SDK1: variants seen among roughly 807,000 people sequenced by gnomAD.
SDK1 encodes protein sidekick-1.
A neutral mutation model predicts 245.5 loss-of-function variants in SDK1; 157 were observed. The observed-to-expected ratio is 0.64, with a 90% CI of 0.56 to 0.73. The LOEUF is 0.73. SDK1 is among the 30% of genes least tolerant of loss of function. SDK1 has a pLI of 0.00. For missense variants in SDK1, 3,583 were observed against 3,002.3 expected (o/e 1.19, Z -4.52); for synonymous variants, 1,647 against 1,278.5 (o/e 1.29, Z -6.15).
At chr7:3,827,785 C>T (rs1244790351) in intron 5 of SDK1, among the ~76,000 whole-genome samples, 1 of 152,104 alleles carries the variant, frequency 6.6e-6, no homozygotes, top group Non-Finnish European at 1.5e-5. Flanking sequence ...TGGGGACAAC[C>T]ATGGCCAGGC....
chr7:3,320,626 A>G (rs1275790314), intron 1 of SDK1, among the ~76,000 whole-genome samples: 4 of 152,150 alleles, frequency 2.6e-5, no homozygotes, highest in Non-Finnish European at 5.9e-5. Flanking sequence ...GATTTTAGCC[A>G]AAGATCTTGT....
At chr7:3,350,688 C>G (rs1205019631) in intron 1 of SDK1, among the ~76,000 whole-genome samples, 2 of 152,136 alleles carry the variant, frequency 1.3e-5, no homozygotes, top group Admixed American at 1.3e-4. Context: ...AAAACCTTTT[C>G]CTGGTGATGT....
chr7:4,086,546 T>G lies in SDK1; in HGVS notation c.3324+6962T>G, dbSNP rs2128181773. ...AGCTCCTGGAGGTCACCACGGTCTG[T>G]GGCTCGGGATCCCCTTCCTTCATCT... On this transcript the variant is annotated intron_variant, in intron 22 of 44. Transcript: ENST00000404826. Among the ~76,000 whole-genome samples the G allele has an allele frequency of 2.0e-5, 3 of 152,274 alleles. No individual in the cohort carries two copies. In the East Asian group the frequency reaches 5.8e-4, roughly 29 times the overall value.
intron 5 of SDK1, among the ~76,000 whole-genome samples, chr7:3,894,232 T>G (rs1781538406): frequency 6.6e-6 from 1 of 152,244 alleles, no homozygotes; most frequent in South Asian, 2.1e-4. Flanking sequence ...TCACAAAATT[T>G]AATTTACTTC....
chr7:3,616,337 G>A (rs1264308333), intron 1 of SDK1, among the ~76,000 whole-genome samples: 2 of 152,210 alleles, frequency 1.3e-5, no homozygotes, highest in Admixed American at 6.5e-5. Flanking sequence ...ACGCAACGAT[G>A]AGGTGGGAAC....
At chr7:3,474,024 G>A (rs1312627475) in intron 1 of SDK1, among the ~76,000 whole-genome samples, 2 of 147,552 alleles carry the variant, frequency 1.4e-5, no homozygotes, top group Middle Eastern at 3.4e-3. Context: ...AATGAGGGTA[G>A]CTGCCTGCCA....
rs1274841299 is a variant in SDK1, at chr7:3,591,303, G to A, written c.299-27777G>A. ...GGACCTAAGTTTTTGAAACCTCCCA[G>A]TAGCCCCTTTTTAAACTGCTCTGAG... On this transcript the variant is annotated intron_variant, in intron 1 of 44. Coordinates refer to ENST00000404826, the MANE Select transcript of SDK1 (RefSeq NM_152744.4). 2.6e-5 allele frequency among the ~76,000 whole-genome samples: 4 copies of A among 152,270 alleles called. No homozygotes were observed. The South Asian group carries it at 6.2e-4, about 24-fold the overall frequency.
chr7:3,897,662 C>A (rs527369162), intron 5 of SDK1, among the ~76,000 whole-genome samples: 1 of 152,222 alleles, frequency 6.6e-6, no homozygotes, highest in South Asian at 2.1e-4. Context: ...TTGCCACGTT[C>A]TTCTTAATGT....
Position 3,301,277 on chromosome 7 carries a change from G to GGGCGGCGGCGGGGGC in SDK1, c.-299_-298insGGGCGGCGGCGGCGG, listed in dbSNP as rs1562398515. Reference sequence around the variant, plus strand: ...GCACTTTCTTCTCAGCGCCGGGCGGGGGCGGCGGCGGCGGCGGCTCCTCCG... The same window carrying GGGCGGCGGCGGGGGC: ...GCACTTTCTTCTCAGCGCCGGGCGGGGGCGGCGGCGGGGGCGGCGGCGGCGGCGGCGGCTCCTCCG... On this transcript the variant is annotated 5_prime_UTR_variant, in exon 1 of 45. Coordinates refer to ENST00000404826, the MANE Select transcript of SDK1 (RefSeq NM_152744.4). Among the ~76,000 whole-genome samples, 1 of 145,758 alleles carries GGGCGGCGGCGGGGGC rather than the reference G, an allele frequency of 6.9e-6. No homozygotes were observed. Among genetic ancestry groups the GGGCGGCGGCGGGGGC allele is most frequent in the East Asian group, 2.0e-4 (1 of 4,940 alleles).
At chr7:3,585,849 T>C (rs567591531) in intron 1 of SDK1, among the ~76,000 whole-genome samples, 3 of 152,156 alleles carry the variant, frequency 2.0e-5, no homozygotes, top group Non-Finnish European at 2.9e-5. Flanking sequence ...TAAATCTGTT[T>C]CTCTTTTCCA....
intron 1 of SDK1, among the ~76,000 whole-genome samples, chr7:3,408,231 A>T (rs897224152): frequency 6.6e-6 from 1 of 151,552 alleles, no homozygotes; most frequent in East Asian, 1.9e-4. Context: ...TTTAGTAGAG[A>T]TGGGGTTTCA....
rs112421643 is a variant in SDK1 at position 3,883,160 on chromosome 7, G to A, written c.847+61577G>A. On this transcript the variant is annotated intron_variant, in intron 5 of 44. Transcript: ENST00000404826. Reference sequence around the variant, plus strand: ...TCTGAGGATGAAGCAGGAGATTCACGGGGTGGCCAGTGGGCAGGACCCCAC... The same window carrying A: ...TCTGAGGATGAAGCAGGAGATTCACAGGGTGGCCAGTGGGCAGGACCCCAC... Among the ~76,000 whole-genome samples the A allele has an allele frequency of 2.6e-3, 397 of 152,266 alleles. 2 individuals are homozygous for A. The highest frequency in any genetic ancestry group is 8.5e-3 in the African/African-American group (355 of 41,564).
intron 14 of SDK1, among the ~76,000 whole-genome samples, chr7:4,009,487 G>A (rs1183779295): frequency 6.6e-6 from 1 of 152,228 alleles, no homozygotes; most frequent in Non-Finnish European, 1.5e-5. Flanking sequence ...GAGTTCTTCT[G>A]TAGGTAACTG....
At chr7:3,390,972 T>C (rs1243383328) in intron 1 of SDK1, among the ~76,000 whole-genome samples, 1 of 152,220 alleles carries the variant, frequency 6.6e-6, no homozygotes, top group Non-Finnish European at 1.5e-5. Flanking sequence ...AAAATGTCAC[T>C]CTTCCACAGA....
chr7:3,936,342 G>A (rs1263963739), intron 5 of SDK1, among the ~76,000 whole-genome samples: 1 of 152,122 alleles, frequency 6.6e-6, no homozygotes, highest in Non-Finnish European at 1.5e-5. Flanking sequence ...AGCACTTTGG[G>A]AGGCCGAGGC....
At chr7:4,106,667 G>T (rs75364394) in intron 22 of SDK1, among the ~76,000 whole-genome samples, 28,387 of 152,114 alleles carry the variant, frequency 0.19, 2,696 homozygotes, top group Middle Eastern at 0.26. Context: ...GGCGTTCTCA[G>T]AGAAACCCGA....
At position 3,590,804 on chromosome 7, in the gene SDK1, G is replaced by T. The variant is rs1280806838; in HGVS notation, c.299-28276G>T. Among the ~76,000 whole-genome samples the T allele has an allele frequency of 2.1e-4, 29 of 140,154 alleles. No homozygotes were observed. The East Asian group carries it at 6.2e-3, about 30-fold the overall frequency. The allele number at this position is 140,154 out of a possible 152,430, so 91.9% of individuals were successfully genotyped here. On this transcript the variant is annotated intron_variant, in intron 1 of 44. Transcript: ENST00000404826. ...TTTTTTTTTTTTTTTTTTTTTTAAG[G>T]CCTGGTCTTGCTCTGTCCCCCAGGC...
intron 1 of SDK1, among the ~76,000 whole-genome samples, chr7:3,604,719 C>T (rs1193573164): frequency 1.3e-5 from 2 of 151,180 alleles, no homozygotes; most frequent in African/African-American, 2.4e-5. Context: ...TCTGCTGCCT[C>T]AGCCTCCAGA....
rs548190749 is a variant in SDK1 at position 4,144,821 on chromosome 7, C to T, written c.4229-901C>T. ...GACCGGAGCGCGGCTCTGTTCCCCCCGTGCGTCCTCCCTTGTTTAACTCCA... is the reference window on the plus strand; with the variant it reads ...GACCGGAGCGCGGCTCTGTTCCCCCTGTGCGTCCTCCCTTGTTTAACTCCA... On this transcript the variant is annotated intron_variant, in intron 28 of 44. Transcript: ENST00000404826. 1.6e-3 allele frequency among the ~76,000 whole-genome samples: 245 copies of T among 152,294 alleles called. 1 individual carries two copies. Among genetic ancestry groups the T allele is most frequent in the African/African-American group, 5.5e-3 (228 of 41,554 alleles).
Sources: allele counts gnomAD v4.1 joint callset (sites outside exome capture counted in the v4.1 genomes callset), GRCh38; gene constraint gnomAD v4.1.1; transcripts MANE v1.5; gene names NCBI Gene and HGNC (gene_info 2026-07-23, HGNC 2026-07-21).